APC2: variants seen among roughly 807,000 people sequenced by gnomAD.
APC2 encodes the protein APC regulator of Wnt signaling pathway 2, also known as adenomatous polyposis coli protein 2.
Under a neutral mutation model 72.5 loss-of-function variants are expected in APC2, and 41 were observed. The ratio of observed to expected loss-of-function variants is 0.57; its 90% CI spans 0.44 to 0.73. APC2 has a LOEUF of 0.73. Ranked by LOEUF, APC2 falls within the 30% of genes least tolerant of loss-of-function variation. The pLI, the probability that APC2 is intolerant of heterozygous loss-of-function variation, is 0.00. For synonymous variants in APC2, 1,898 were observed against 1,612.0 expected (o/e 1.18, Z -4.25); for missense variants, 3,729 against 3,403.4 (o/e 1.10, Z -2.38).
At chr19:1,460,057 G>A in intron 10 of APC2, 124 bp from the exon 11 acceptor site, 2 of 1,344,174 alleles carry the variant, frequency 1.5e-6, no homozygotes, top group South Asian at 2.7e-5. Context: ...ACTTGGGCCT[G>A]GAAGGGGAAC....
Position 1,458,027 on chromosome 19 carries a change from G to A in APC2, c.1270G>A (p.Asp424Asn). 1 of 1,567,142 alleles carries A rather than the reference G, an allele frequency of 6.4e-7. No homozygotes were observed. The highest frequency in any genetic ancestry group is 8.7e-7 in the Non-Finnish European group (1 of 1,154,778). ...CTGTGCTGTTATGAAGCTGTCCTTTGATGAGGAGTACCGCCGTGCCATGAA... is the reference window on the plus strand; with the variant it reads ...CTGTGCTGTTATGAAGCTGTCCTTTAATGAGGAGTACCGCCGTGCCATGAA... ...ATCAVMKLSFDEEYRRAMNEL... is the reference protein window; with the variant it reads ...ATCAVMKLSFNEEYRRAMNEL... The change falls in exon 10 of 15, where the codon GAT becomes AAT. Residue 424 changes from aspartate to asparagine, a missense_variant. Asp to Asn is a conservative substitution (Grantham distance 23). Coordinates refer to ENST00000590469, the MANE Select transcript of APC2 (RefSeq NM_005883.3).
In APC2 at chr19:1,472,997, A is replaced by G. The variant is rs764632240; in HGVS notation, c.*2784A>G. The G allele has an allele frequency of 3.9e-5, 6 of 152,240 alleles. No individual in the cohort carries two copies. Among genetic ancestry groups the G allele is most frequent in the Non-Finnish European group, 7.3e-5 (5 of 68,122 alleles). 9.4% of individuals were successfully genotyped at this position (152,240 alleles called of 1,614,324 possible). A position where few individuals can be genotyped will look rare whatever the true frequency, so the allele number is the denominator to read the frequency against. On this transcript the variant is annotated 3_prime_UTR_variant, in exon 15 of 15. Coordinates refer to ENST00000590469, the MANE Select transcript of APC2 (RefSeq NM_005883.3). ...CATGGTCCTCCCGAGCTCCGACAGC[A>G]TTACCTCACCCGGCCCCATCTGTTG... is the stretch of plus-strand genomic sequence containing the variant.
intron 4 of APC2, among the ~76,000 whole-genome samples, chr19:1,454,013 G>C (rs2083780951): frequency 6.6e-6 from 1 of 152,208 alleles, no homozygotes; most frequent in Non-Finnish European, 1.5e-5. Flanking sequence ...AAGAAGCGTG[G>C]GCTCAGGGCC....
chr19:1,468,615 G>A lies in APC2; in HGVS notation c.5314G>A (p.Glu1772Lys), dbSNP rs368810519. 1.1e-5 allele frequency: 17 copies of A among 1,601,268 alleles called. No homozygotes were observed. Among genetic ancestry groups the A allele is most frequent in the Admixed American group, 5.0e-5 (3 of 59,430 alleles). ...GAGCCCCCGTTCCCCTGCAGGCCCC[G>A]AGAAGCCACGTGGCACACAGAAGAC... ...SGSPRSPAGPEKPRGTQKTTP... is the reference protein window; with the variant it reads ...SGSPRSPAGPKKPRGTQKTTP... The change falls in exon 15 of 15, where the codon GAG (glutamate) becomes AAG (lysine). Residue 1772 changes from glutamate to lysine, a missense_variant. Glu to Lys is a moderately conservative substitution (Grantham distance 56). Transcript: ENST00000590469.
intron 14 of APC2, among the ~76,000 whole-genome samples, chr19:1,463,013 C>T (rs1257412167): frequency 6.6e-6 from 1 of 151,462 alleles, no homozygotes; most frequent in Non-Finnish European, 1.5e-5. Flanking sequence ...CGGTCCCTCA[C>T]ACCTGGAATC....
At position 1,455,391 on chromosome 19, in the gene APC2, C is replaced by G; in HGVS notation, c.530C>G (p.Ser177Trp). 1 of 1,608,956 alleles carries G rather than the reference C, an allele frequency of 6.2e-7. No individual in the cohort carries two copies. Among genetic ancestry groups the G allele is most frequent in the Non-Finnish European group, 8.5e-7 (1 of 1,178,234 alleles). The change falls in exon 6 of 15, where the codon TCG becomes TGG. Residue 177 changes from serine to tryptophan, a missense_variant. Transcript: ENST00000590469. ...DELPHVETQF[S>W]MQMDLIRQQL... ...CCCGCCTGCCTTTGCCAGCAGTTCT[C>G]GATGCAGATGGACCTGATCCGGCAG...
chr19:1,473,187 A>G lies in APC2; in HGVS notation c.*2974A>G, dbSNP rs2084165269. On this transcript the variant is annotated 3_prime_UTR_variant, in exon 15 of 15. Transcript: ENST00000590469. The stretch of plus-strand genomic sequence containing the variant: ...GTAAAGCCATCTGTCCGGCGTAAGG[A>G]CGACACCGTCAGCTGTCCGACTCGC... 1 of 152,280 alleles carries G rather than the reference A, an allele frequency of 6.6e-6. No homozygotes were observed. Among genetic ancestry groups the G allele is most frequent in the Admixed American group, 6.5e-5 (1 of 15,288 alleles). The allele number at this position is 152,280 out of a possible 1,614,324, so 9.4% of individuals were successfully genotyped here. A position where few individuals can be genotyped will look rare whatever the true frequency, so the allele number is the denominator to read the frequency against.
chr19:1,455,084 C>A, intron 4 of APC2, 65 bp from the exon 5 acceptor site: 1 of 1,044,850 alleles, frequency 9.6e-7, no homozygotes, highest in Non-Finnish European at 1.3e-6. Flanking sequence ...CAAGTGATTA[C>A]AAATATCAAA....
In APC2 at chr19:1,469,024, T is replaced by C. The variant is rs767781825; in HGVS notation, c.5723T>C (p.Val1908Ala). The C allele has an allele frequency of 5.2e-6, 8 of 1,547,026 alleles. No homozygotes were observed. Among genetic ancestry groups the C allele is most frequent in the Non-Finnish European group, 7.0e-6 (8 of 1,149,462 alleles). Residue 1908 changes from valine to alanine, a missense_variant, in exon 15 of 15, where the codon GTG (valine) becomes GCG (alanine). By Grantham distance (64) the Val-to-Ala change is moderately conservative. Coordinates refer to ENST00000590469, the MANE Select transcript of APC2 (RefSeq NM_005883.3). Reference sequence around the variant, plus strand: ...CTGCCCGGCCCCGGAGCCTCCCCGGTGCCCAAAACGCCGGCGCGCACCCTT... The same window carrying C: ...CTGCCCGGCCCCGGAGCCTCCCCGGCGCCCAAAACGCCGGCGCGCACCCTT... ...GALPGPGASP[V>A]PKTPARTLLA...
intron 10 of APC2, among the ~76,000 whole-genome samples, chr19:1,459,635 G>A (rs924299369): frequency 6.6e-6 from 1 of 152,178 alleles, no homozygotes; most frequent in African/African-American, 2.4e-5. Context: ...CTTTGAAGAG[G>A]GAGAAAAGTG....
At chr19:1,457,690 C>T in intron 9 of APC2, 2 of 546,156 alleles carry the variant, frequency 3.7e-6, no homozygotes, top group Non-Finnish European at 6.6e-6. Context: ...AGAGCGAGAC[C>T]CTGTCTCGTC....
At chr19:1,449,004 G>A (rs2083713519), upstream of APC2, among the ~76,000 whole-genome samples, 1 of 152,230 alleles carries the variant, frequency 6.6e-6, no homozygotes. Context: ...TGGCAGTGCT[G>A]GCCCGGGACA....
In APC2 at chr19:1,456,866, T is replaced by C. The variant is rs2083836629; in HGVS notation, c.830T>C (p.Phe277Ser). ...CCCTCCCCCCAGGTGGAGGTGGTCTTCTGGCTGTTGTCCATGTTGGCGACG... is the reference window on the plus strand; with the variant it reads ...CCCTCCCCCCAGGTGGAGGTGGTCTCCTGGCTGTTGTCCATGTTGGCGACG... ...QPGNSKVEVV[F>S]WLLSMLATRD... Residue 277 changes from phenylalanine to serine, a missense_variant, in exon 9 of 15, where the codon TTC becomes TCC. Physicochemically the swap from Phe to Ser is radical, Grantham distance 155 (BLOSUM62 -2). Coordinates refer to ENST00000590469, the MANE Select transcript of APC2 (RefSeq NM_005883.3). 1.3e-6 allele frequency: 2 copies of C among 1,596,854 alleles called. No homozygotes were observed. Among genetic ancestry groups the C allele is most frequent in the Non-Finnish European group, 1.7e-6 (2 of 1,176,978 alleles).
In APC2 at chr19:1,456,980, C is replaced by T; in HGVS notation, c.944C>T (p.Pro315Leu). The change falls in exon 9 of 15, where the codon CCT becomes CTT. Residue 315 changes from proline (P) to leucine (L), a missense_variant. Pro to Leu is a moderately conservative substitution (Grantham distance 98). Coordinates refer to ENST00000590469, the MANE Select transcript of APC2 (RefSeq NM_005883.3). Reference protein sequence around the residue: ...CVAMRRSGCLPLLLQILHGTE... With the variant: ...CVAMRRSGCLLLLLQILHGTE... ...GCCATGCGCCGCTCGGGCTGTCTGCCTCTGCTGCTGCAAATCCTCCACGGC... is the reference window on the plus strand; with the variant it reads ...GCCATGCGCCGCTCGGGCTGTCTGCTTCTGCTGCTGCAAATCCTCCACGGC... 6.5e-7 allele frequency: 1 copy of T among 1,537,284 alleles called. No homozygotes were observed. Among genetic ancestry groups the T allele is most frequent in the Non-Finnish European group, 8.7e-7 (1 of 1,147,748 alleles).
In APC2 at chr19:1,469,729, G is replaced by A. The variant is rs2084099857; in HGVS notation, c.6428G>A (p.Gly2143Asp). 2.7e-6 allele frequency: 4 copies of A among 1,468,744 alleles called. No individual in the cohort carries two copies. The highest frequency in any genetic ancestry group is 3.6e-6 in the Non-Finnish European group (4 of 1,117,742). 91.0% of individuals were successfully genotyped at this position (1,468,744 alleles called of 1,614,324 possible). Reference sequence around the variant, plus strand: ...CCGCTCCCCAGGGTGGCCGCGCCGGGCACGACCTGGCGGCGCATCCGAGAT... The same window carrying A: ...CCGCTCCCCAGGGTGGCCGCGCCGGACACGACCTGGCGGCGCATCCGAGAT... ...PRPLPRVAAP[G>D]TTWRRIRDED... The change falls in exon 15 of 15, where the codon GGC becomes GAC. Residue 2143 changes from glycine to aspartate, a missense_variant. Physicochemically the swap from Gly to Asp is moderately conservative, Grantham distance 94. Coordinates refer to ENST00000590469, the MANE Select transcript of APC2 (RefSeq NM_005883.3).
chr19:1,462,789 T>C (rs1165407989), intron 14 of APC2, among the ~76,000 whole-genome samples: 1 of 132,496 alleles, frequency 7.5e-6, no homozygotes, highest in South Asian at 2.4e-4. Context: ...CCTAACACGG[T>C]GAAACCCCCA....
chr19:1,457,583 A>G (rs1300093510), intron 9 of APC2: 2 of 509,470 alleles, frequency 3.9e-6, no homozygotes, highest in Non-Finnish European at 7.0e-6. Context: ...CTGTGATCCC[A>G]GCACTTTGGA....
At chr19:1,455,959 G>C in intron 6 of APC2, 117 bp from the exon 7 acceptor site, 1 of 412,056 alleles carries the variant, frequency 2.4e-6, no homozygotes, top group Non-Finnish European at 3.4e-6. Flanking sequence ...GGCCTGGGGC[G>C]GGGTTATCAG....
chr19:1,463,706 C>G (rs1367361191), intron 14 of APC2, among the ~76,000 whole-genome samples: 1 of 151,898 alleles, frequency 6.6e-6, no homozygotes, highest in Non-Finnish European at 1.5e-5. Context: ...CCTGTGATCA[C>G]GCTACTGCAC....
Sources: gnomAD v4.1 joint callset for allele counts (sites outside exome capture counted in the v4.1 genomes callset) on GRCh38, gnomAD v4.1.1 for gene constraint, MANE v1.5 for transcripts, NCBI Gene and HGNC (gene_info 2026-07-23, HGNC 2026-07-21) for gene names.